TMEM62: variants seen among roughly 807,000 people sequenced by gnomAD.
TMEM62 encodes transmembrane protein 62.
In TMEM62, 41 loss-of-function variants were observed where a neutral mutation model predicts 70.4. That is an observed-to-expected ratio of 0.58 (90% CI 0.45 to 0.76). TMEM62 has a LOEUF of 0.76. Ranked by LOEUF, TMEM62 falls within the 30% of genes least tolerant of loss-of-function variation. TMEM62 has a pLI of 0.00. For synonymous variants in TMEM62, 268 were observed against 291.0 expected, an observed-to-expected ratio of 0.92 and a Z score of 0.80; for missense variants, 688 against 788.5, an observed-to-expected ratio of 0.87 and a Z score of 1.53.
At position 43,145,812 on chromosome 15, in the gene TMEM62, C is replaced by G. The variant is rs141254493; in HGVS notation, c.477-681C>G. 6.7e-3 allele frequency among the ~76,000 whole-genome samples: 1,026 copies of G among 152,220 alleles called. 10 individuals carry two copies. The highest frequency in any genetic ancestry group is 0.023 in the African/African-American group (951 of 41,532). On this transcript the variant is annotated intron_variant, in intron 4 of 13. Transcript: ENST00000260403. ...GGTATGCCCTCCAATAAAATCTATA[C>G]TTTCCTTCTTATTTATTCAACACAT...
intron 3 of TMEM62, among the ~76,000 whole-genome samples, chr15:43,137,774 G>A (rs764697125): frequency 6.6e-6 from 1 of 152,258 alleles, no homozygotes; most frequent in Non-Finnish European, 1.5e-5. Flanking sequence ...CACAGGCCTT[G>A]CCATTGAGGC....
chr15:43,184,629 C>G lies in TMEM62; in HGVS notation c.*43C>G, dbSNP rs575371851. 1.7e-5 allele frequency: 26 copies of G among 1,571,390 alleles called. No individual in the cohort carries two copies. The Admixed American group carries it at 2.6e-4, about 16-fold the overall frequency. On this transcript the variant is annotated 3_prime_UTR_variant, in exon 14 of 14. Transcript: ENST00000260403. ...TGGCAGCTGGGCAGAAGCCCAGCCTCTGTGTCTGTAGCCCAGGCCTCTACC... is the reference window on the plus strand; with the variant it reads ...TGGCAGCTGGGCAGAAGCCCAGCCTGTGTGTCTGTAGCCCAGGCCTCTACC...
At chr15:43,150,199 A>G (rs1487986133) in intron 7 of TMEM62, among the ~76,000 whole-genome samples, 1 of 152,252 alleles carries the variant, frequency 6.6e-6, no homozygotes, top group Non-Finnish European at 1.5e-5. Flanking sequence ...GACTTTTTAA[A>G]AACTGTGTGA....
chr15:43,137,361 A>G, intron 3 of TMEM62, among the ~76,000 whole-genome samples: 1 of 152,272 alleles, frequency 6.6e-6, no homozygotes. Flanking sequence ...TCTGAGTGGT[A>G]TAGAATTCAA....
At chr15:43,175,893 G>A (rs1423300737) in intron 11 of TMEM62, among the ~76,000 whole-genome samples, 3 of 152,228 alleles carry the variant, frequency 2.0e-5, no homozygotes, top group South Asian at 2.1e-4. Flanking sequence ...TGCCTCACTC[G>A]GGAAGCGCAA....
chr15:43,152,059 A>G (rs1288039604), intron 8 of TMEM62, 114 bp downstream of exon 8: 2 of 634,910 alleles, frequency 3.2e-6, no homozygotes, highest in African/African-American at 3.7e-5. Context: ...TTTTCTCAAC[A>G]ACCTAAACAT....
At chr15:43,149,457 C>A (rs1026251494) in intron 7 of TMEM62, among the ~76,000 whole-genome samples, 1 of 151,534 alleles carries the variant, frequency 6.6e-6, no homozygotes, top group African/African-American at 2.4e-5. Flanking sequence ...CAGGCGCTGC[C>A]TCTAGAGATT....
At chr15:43,158,054 T>C (rs2038265295) in intron 9 of TMEM62, among the ~76,000 whole-genome samples, 1 of 152,118 alleles carries the variant, frequency 6.6e-6, no homozygotes, top group Non-Finnish European at 1.5e-5. Context: ...TCCTGTGGAG[T>C]TCCCTGTTTT....
intron 10 of TMEM62, among the ~76,000 whole-genome samples, chr15:43,167,237 A>G (rs1279509377): frequency 6.9e-6 from 1 of 145,144 alleles, no homozygotes; most frequent in Admixed American, 6.8e-5. Context: ...TCCCTCCCGG[A>G]TGGGGCGGCT....
intron 9 of TMEM62, among the ~76,000 whole-genome samples, chr15:43,157,346 T>A (rs2038163576): frequency 6.6e-6 from 1 of 152,178 alleles, no homozygotes; most frequent in Non-Finnish European, 1.5e-5. Context: ...TCCACTAAAG[T>A]ATGAGTATCT....
At chr15:43,166,061 G>A (rs938879394) in intron 10 of TMEM62, among the ~76,000 whole-genome samples, 1 of 152,210 alleles carries the variant, frequency 6.6e-6, no homozygotes, top group African/African-American at 2.4e-5. Context: ...TCCTCCTTGA[G>A]GAGGCTTTCC....
chr15:43,136,611 ATT>A (rs779033478), intron 3 of TMEM62, among the ~76,000 whole-genome samples: 6 of 139,670 alleles, frequency 4.3e-5, no homozygotes, highest in Admixed American at 1.4e-4. Context: ...TGCCCAGTTA[ATT>A]TTTTTTTTTT....
At chr15:43,162,200 C>T (rs1291836301) in intron 10 of TMEM62, among the ~76,000 whole-genome samples, 6 of 151,696 alleles carry the variant, frequency 4.0e-5, no homozygotes, top group Admixed American at 6.6e-5. Context: ...TACAGCAGTG[C>T]GATCTTGGCT....
At chr15:43,182,313 T>G (rs1005924133) in intron 13 of TMEM62, among the ~76,000 whole-genome samples, 2 of 152,148 alleles carry the variant, frequency 1.3e-5, no homozygotes, top group African/African-American at 4.8e-5. Flanking sequence ...TAGAACATGA[T>G]CCAACAGGAT....
Position 43,133,892 on chromosome 15 carries a change from C to T in TMEM62, c.90C>T (p.Gly30=). ...AMLLEHYGLA[G]QPSPLPRPAP... ...TCTTGGAGCACTACGGCCTGGCGGG[C>T]CAGCCCTCGCCGCTGCCGCGCCCCG... Residue 30 remains glycine, a synonymous_variant, in exon 1 of 14, where the codon GGC becomes GGT. Transcript: ENST00000260403. 2 of 1,498,804 alleles carry T rather than the reference C, an allele frequency of 1.3e-6. No homozygotes were observed. Among genetic ancestry groups the T allele is most frequent in the Non-Finnish European group, 1.8e-6 (2 of 1,131,930 alleles). 92.8% of individuals were successfully genotyped at this position (1,498,804 alleles called of 1,614,324 possible).
intron 13 of TMEM62, among the ~76,000 whole-genome samples, chr15:43,182,112 C>T (rs907590715): frequency 1.3e-5 from 2 of 152,218 alleles, no homozygotes; most frequent in African/African-American, 2.4e-5. Context: ...ATTAGGTTTA[C>T]ATTTGATTCC....
At chr15:43,152,009 T>C in intron 8 of TMEM62, 64 bp downstream of exon 8, 1 of 1,312,694 alleles carries the variant, frequency 7.6e-7, no homozygotes. Context: ...GTCATTGTGA[T>C]TGCATTCCCA....
In TMEM62 at chr15:43,135,523, G is replaced by T. The variant is rs190045614; in HGVS notation, c.304G>T (p.Asp102Tyr). ...ALVLATGDLTDAKTKEQLGSR... is the reference protein window; with the variant it reads ...ALVLATGDLTYAKTKEQLGSR... ...GTGTAAACCTACAGGAGACCTGACA[G>T]ATGCCAAAACAAAGGAACAGTTGGG... Residue 102 changes from aspartate (D) to tyrosine (Y), a missense_variant, in exon 3 of 14, where the codon GAT (aspartate) becomes TAT (tyrosine). By Grantham distance (160) the Asp-to-Tyr change is radical (BLOSUM62 -3). Coordinates refer to ENST00000260403, the MANE Select transcript of TMEM62 (RefSeq NM_024956.4). 6.3e-7 allele frequency: 1 copy of T among 1,599,848 alleles called. No homozygotes were observed. The highest frequency in any genetic ancestry group is 2.2e-5 in the East Asian group (1 of 44,698).
At chr15:43,164,777 C>CTTTG (rs2039188797) in intron 10 of TMEM62, among the ~76,000 whole-genome samples, 1 of 152,076 alleles carries the variant, frequency 6.6e-6, no homozygotes, top group Non-Finnish European at 1.5e-5. Context: ...GGAAAGTCAG[C>CTTTG]TTTGTTTGTT....
Sources: allele counts gnomAD v4.1 joint callset (sites outside exome capture counted in the v4.1 genomes callset), GRCh38; gene constraint gnomAD v4.1.1; transcripts MANE v1.5; gene names NCBI Gene and HGNC (gene_info 2026-07-23, HGNC 2026-07-21).